The following LARGE1 variants were observed in gnomAD, a reference collection of about 807,000 sequenced individuals.
LARGE1 encodes the protein xylosyl- and glucuronyltransferase LARGE1.
A neutral mutation model predicts 87.6 loss-of-function variants in LARGE1; 43 were observed. That is an observed-to-expected ratio of 0.49 (90% CI 0.38 to 0.63). The LOEUF (loss-of-function observed/expected upper bound fraction) is 0.63. LARGE1 is among the 30% of genes least tolerant of loss of function. The pLI, the probability that LARGE1 is intolerant of heterozygous loss-of-function variation, is 0.00. For missense variants in LARGE1, 802 were observed against 1,000.2 expected (o/e 0.80, Z 2.67); for synonymous variants, 434 against 394.6 (o/e 1.10, Z -1.18).
chr22:33,572,849 G>A lies in LARGE1; in HGVS notation c.616-7830C>T, dbSNP rs371710715. Among the ~76,000 whole-genome samples, 9 of 151,586 alleles carry A rather than the reference G, an allele frequency of 5.9e-5. No individual in the cohort carries two copies. The East Asian group carries it at 1.2e-3, about 20-fold the overall frequency. On this transcript the variant is annotated intron_variant, in intron 5 of 14. Coordinates refer to ENST00000397394, the MANE Select transcript of LARGE1 (RefSeq NM_133642.5). ...CGTGCCACTACACTCCAGCCTGGGC[G>A]ACAGAGTGAGACTTTGTCTCAAAAA...
At chr22:33,325,636 G>T (rs1300933113) in intron 10 of LARGE1, among the ~76,000 whole-genome samples, 2 of 152,152 alleles carry the variant, frequency 1.3e-5, no homozygotes, top group Admixed American at 1.3e-4. Flanking sequence ...TTGAATGCTT[G>T]TAGCCTGTAA....
intron 4 of LARGE1, among the ~76,000 whole-genome samples, chr22:33,622,075 C>T (rs1361484522): frequency 6.6e-6 from 1 of 152,168 alleles, no homozygotes; most frequent in African/African-American, 2.4e-5. Flanking sequence ...TTGGCAACCT[C>T]CTGGTGCCAC....
intron 11 of LARGE1, among the ~76,000 whole-genome samples, chr22:33,260,574 G>C (rs150189498): frequency 1.1e-5 from 1 of 89,652 alleles, no homozygotes; most frequent in Non-Finnish European, 2.3e-5. Flanking sequence ...GGGATTAAAT[G>C]AGATAATGCC....
At chr22:33,270,835 T>A (rs1928204861), downstream of LARGE1, among the ~76,000 whole-genome samples, 1 of 152,204 alleles carries the variant, frequency 6.6e-6, no homozygotes, top group Non-Finnish European at 1.5e-5. Flanking sequence ...AAGAGGCTAT[T>A]AGTCAACTCA....
At chr22:33,724,881 C>G (rs1164827145) in intron 2 of LARGE1, 1 of 152,274 alleles carries the variant, frequency 6.6e-6, no homozygotes, top group African/African-American at 2.4e-5. Context: ...ACAGTGGAGG[C>G]ATCAGGCAGT....
At chr22:33,405,292 C>G (rs926726420) in intron 7 of LARGE1, among the ~76,000 whole-genome samples, 2 of 152,198 alleles carry the variant, frequency 1.3e-5, no homozygotes, top group Non-Finnish European at 2.9e-5. Context: ...GCTCCCCAGT[C>G]TCAACTCAAG....
the LARGE1 span, among the ~76,000 whole-genome samples, chr22:33,093,125 C>T: frequency 0.021 from 3,205 of 152,274 alleles, 49 homozygotes; most frequent in Middle Eastern, 0.054. Context: ...GAGTGAGCTC[C>T]TTTCTTTGCA....
chr22:33,693,150 A>G (rs1254222427), intron 2 of LARGE1, among the ~76,000 whole-genome samples: 1 of 152,230 alleles, frequency 6.6e-6, no homozygotes, highest in African/African-American at 2.4e-5. Context: ...ACAAGAACAG[A>G]AAACCAAACA....
intron 6 of LARGE1, among the ~76,000 whole-genome samples, chr22:33,531,330 G>T (rs1462051916): frequency 7.0e-6 from 1 of 143,520 alleles, no homozygotes; most frequent in Non-Finnish European, 1.5e-5. Context: ...GCTAATTTTT[G>T]TATTTTTAGT....
At chr22:33,556,021 CA>C (rs553189803) in intron 6 of LARGE1, among the ~76,000 whole-genome samples, 252 of 152,170 alleles carry the variant, frequency 1.7e-3, no homozygotes, top group Non-Finnish European at 2.6e-3. Flanking sequence ...CAGGGCTTCA[CA>C]TATGCTGCTC....
chr22:33,424,404 G>A (rs2066801778), intron 7 of LARGE1, among the ~76,000 whole-genome samples: 2 of 152,178 alleles, frequency 1.3e-5, no homozygotes, highest in Non-Finnish European at 2.9e-5. Flanking sequence ...CCTACCTATG[G>A]ACAGAAGGTT....
Position 33,283,357 on chromosome 22 carries a change from A to C in LARGE1, c.1731-9T>G. The C allele has an allele frequency of 6.2e-7, 1 of 1,614,154 alleles. No individual in the cohort carries two copies. The highest frequency in any genetic ancestry group is 8.5e-7 in the Non-Finnish European group (1 of 1,180,016). On this transcript the variant is annotated splice_polypyrimidine_tract_variant and intron_variant, in intron 12 of 14. Transcript: ENST00000397394. ...GCTGGATGACAGACTTCCTGAAAAGAGGGGACAGGCAGAGAGACAGAGTCC... is the reference window on the plus strand; with the variant it reads ...GCTGGATGACAGACTTCCTGAAAAGCGGGGACAGGCAGAGAGACAGAGTCC...
intron 6 of LARGE1, among the ~76,000 whole-genome samples, chr22:33,484,594 C>A (rs2069484400): frequency 6.6e-6 from 1 of 152,190 alleles, no homozygotes. Flanking sequence ...GCCTCCATGA[C>A]AGAGGTGCTT....
At chr22:33,806,845 A>G (rs2086326070) in intron 1 of LARGE1, among the ~76,000 whole-genome samples, 1 of 152,250 alleles carries the variant, frequency 6.6e-6, no homozygotes, top group South Asian at 2.1e-4. Flanking sequence ...ACCCATCTCT[A>G]GTAAAAATAC....
chr22:33,411,825 C>T (rs1335644477), intron 7 of LARGE1, among the ~76,000 whole-genome samples: 2 of 152,188 alleles, frequency 1.3e-5, no homozygotes, highest in Non-Finnish European at 2.9e-5. Context: ...AAAGAAAATA[C>T]ACCATTGTAT....
chr22:33,107,554 CA>C, the LARGE1 span, among the ~76,000 whole-genome samples: 1 of 148,896 alleles, frequency 6.7e-6, no homozygotes, highest in Non-Finnish European at 1.5e-5. Flanking sequence ...GACTTTGTCT[CA>C]AAAAAAATCA....
At chr22:33,588,790 A>G (rs2078753194) in intron 5 of LARGE1, among the ~76,000 whole-genome samples, 1 of 152,200 alleles carries the variant, frequency 6.6e-6, no homozygotes, top group Admixed American at 6.5e-5. Context: ...CACTCTTAGT[A>G]TAAAGGTGAT....
the LARGE1 span, among the ~76,000 whole-genome samples, chr22:33,079,841 A>T: frequency 6.6e-6 from 1 of 152,178 alleles, no homozygotes; most frequent in African/African-American, 2.4e-5. Flanking sequence ...GAAAAGATGA[A>T]CAGGAATGAC....
At chr22:33,817,471 T>C (rs2086689393) in intron 1 of LARGE1, among the ~76,000 whole-genome samples, 1 of 151,996 alleles carries the variant, frequency 6.6e-6, no homozygotes, top group African/African-American at 2.4e-5. Context: ...AGGGGACCCG[T>C]GGGGCAGACC....
Sources: allele counts gnomAD v4.1 joint callset (sites outside exome capture counted in the v4.1 genomes callset), GRCh38; gene constraint gnomAD v4.1.1; transcripts MANE v1.5; gene names NCBI Gene and HGNC (gene_info 2026-07-23, HGNC 2026-07-21).